NCOA2: variants seen among roughly 807,000 people sequenced by gnomAD.
NCOA2 encodes the protein nuclear receptor coactivator 2, also known as class E basic helix-loop-helix protein 75.
Under a neutral mutation model 145.1 loss-of-function variants are expected in NCOA2, and 21 were observed. The ratio of observed to expected loss-of-function variants is 0.14; its 90% CI spans 0.10 to 0.21. NCOA2 has a LOEUF of 0.21. Among genes scored for constraint, NCOA2 ranks in the 10% least tolerant of loss-of-function variants. The pLI, the probability that NCOA2 is intolerant of heterozygous loss-of-function variation, is 1.00. For synonymous variants in NCOA2, 619 were observed against 637.5 expected, an observed-to-expected ratio of 0.97 and a Z score of 0.44; for missense variants, 1,472 against 1,837.6, an observed-to-expected ratio of 0.80 and a Z score of 3.64.
At chr8:70,167,670 T>C (rs1011147036) in intron 6 of NCOA2, among the ~76,000 whole-genome samples, 9 of 152,234 alleles carry the variant, frequency 5.9e-5, no homozygotes, top group Non-Finnish European at 7.3e-5. Flanking sequence ...ACAGTGCAAA[T>C]GTCATTTCTT....
chr8:70,179,496 C>T (rs914958351), intron 4 of NCOA2, among the ~76,000 whole-genome samples: 1 of 152,148 alleles, frequency 6.6e-6, no homozygotes, highest in Non-Finnish European at 1.5e-5. Context: ...CGGACATATA[C>T]TGGTATCTTG....
At chr8:70,186,629 T>A (rs1324209182) in intron 4 of NCOA2, among the ~76,000 whole-genome samples, 1 of 152,216 alleles carries the variant, frequency 6.6e-6, no homozygotes, top group Non-Finnish European at 1.5e-5. Context: ...ATCAAAAATA[T>A]GCTACTACAA....
Position 70,174,865 on chromosome 8 carries a change from A to G in NCOA2, c.260-6T>C, listed in dbSNP as rs1289449273. ...GTTGGCAGCTGCTGCTTTCTCTGCA[A>G]TAAACATAAGTGTGAATTAAATGGC... On this transcript the variant is annotated splice_polypyrimidine_tract_variant and splice_region_variant and intron_variant, in intron 4 of 22. Coordinates refer to ENST00000452400, the MANE Select transcript of NCOA2 (RefSeq NM_006540.4). 6.2e-7 allele frequency: 1 copy of G among 1,611,868 alleles called. No homozygotes were observed. The highest frequency in any genetic ancestry group is 8.5e-7 in the Non-Finnish European group (1 of 1,178,376).
intron 1 of NCOA2, among the ~76,000 whole-genome samples, chr8:70,397,957 G>T (rs961955386): frequency 1.3e-5 from 2 of 151,924 alleles, no homozygotes; most frequent in Non-Finnish European, 2.9e-5. Flanking sequence ...TGAAATTAAG[G>T]CATATATGTC....
chr8:70,227,083 C>T (rs1232023240), intron 2 of NCOA2, among the ~76,000 whole-genome samples: 1 of 152,146 alleles, frequency 6.6e-6, no homozygotes. Context: ...AGGAGAGGGT[C>T]CACGGTTTTG....
intron 4 of NCOA2, among the ~76,000 whole-genome samples, chr8:70,200,256 ATATT>A (rs1456483170): frequency 1.3e-5 from 2 of 152,074 alleles, no homozygotes; most frequent in African/African-American, 4.8e-5. Context: ...TAAAATATGT[ATATT>A]TATTTATAAG....
At chr8:70,152,819 T>C (rs550655940) in intron 11 of NCOA2, among the ~76,000 whole-genome samples, 1 of 152,316 alleles carries the variant, frequency 6.6e-6, no homozygotes, top group East Asian at 1.9e-4. Context: ...AAACACACAC[T>C]CAGTCAATGG....
chr8:70,138,871 T>C (rs1810049270), intron 14 of NCOA2, among the ~76,000 whole-genome samples: 2 of 152,272 alleles, frequency 1.3e-5, no homozygotes, highest in Admixed American at 6.5e-5. Flanking sequence ...TGATATCATA[T>C]AGCATGTAAA....
intron 11 of NCOA2, among the ~76,000 whole-genome samples, chr8:70,155,069 G>C (rs1312835171): frequency 2.0e-5 from 3 of 152,116 alleles, no homozygotes; most frequent in Non-Finnish European, 4.4e-5. Flanking sequence ...GTATAAATAA[G>C]TATTATTTTG....
At chr8:70,383,326 T>C (rs1379945188) in intron 1 of NCOA2, among the ~76,000 whole-genome samples, 3 of 152,210 alleles carry the variant, frequency 2.0e-5, no homozygotes, top group Non-Finnish European at 4.4e-5. Context: ...CCTTGACCTA[T>C]AATTACTCAT....
At chr8:70,131,777 A>G in intron 16 of NCOA2, 60 bp downstream of exon 16, 1 of 1,507,776 alleles carries the variant, frequency 6.6e-7, no homozygotes, top group Admixed American at 2.3e-5. Flanking sequence ...TAAACAGAAA[A>G]TGGACACCTC....
chr8:70,134,619 G>A (rs1459708029), intron 15 of NCOA2, among the ~76,000 whole-genome samples: 1 of 152,198 alleles, frequency 6.6e-6, no homozygotes, highest in Non-Finnish European at 1.5e-5. Context: ...ACTGTCAGGA[G>A]GAGGCAGGCA....
intron 2 of NCOA2, among the ~76,000 whole-genome samples, chr8:70,229,721 T>A (rs1267299479): frequency 6.6e-6 from 1 of 152,054 alleles, no homozygotes; most frequent in Non-Finnish European, 1.5e-5. Context: ...TATCAAAGGG[T>A]CACCTGAGAA....
intron 1 of NCOA2, among the ~76,000 whole-genome samples, chr8:70,337,391 G>C (rs1807705802): frequency 2.6e-5 from 4 of 152,164 alleles, no homozygotes; most frequent in African/African-American, 9.7e-5. Context: ...CTTTCCAAGA[G>C]AGACCTTTCT....
At chr8:70,126,636 G>C in intron 19 of NCOA2, 177 bp downstream of exon 19, 1 of 620,092 alleles carries the variant, frequency 1.6e-6, no homozygotes, top group East Asian at 2.8e-5. Context: ...GTACTGTGCT[G>C]GACTTGGGGA....
At chr8:70,211,246 G>A (rs1240945201) in intron 4 of NCOA2, among the ~76,000 whole-genome samples, 1 of 152,044 alleles carries the variant, frequency 6.6e-6, no homozygotes, top group African/African-American at 2.4e-5. Flanking sequence ...AGATCATGAG[G>A]TCAGGAGTTC....
intron 13 of NCOA2, among the ~76,000 whole-genome samples, chr8:70,143,957 C>T (rs1007649731): frequency 2.0e-5 from 3 of 152,186 alleles, no homozygotes; most frequent in Non-Finnish European, 2.9e-5. Context: ...CAACAGCAAT[C>T]GGTGCTACTG....
Position 70,124,929 on chromosome 8 carries a change from G to C in NCOA2, c.3917-64C>G, listed in dbSNP as rs540468607. ...TGTTAGTTATATTGTAGAGACTGGT[G>C]GGGGGGAAAGAACATTCCAAATTAG... On this transcript the variant is annotated intron_variant, in intron 19 of 22. Coordinates refer to ENST00000452400, the MANE Select transcript of NCOA2 (RefSeq NM_006540.4). 42 of 1,405,092 alleles carry C rather than the reference G, an allele frequency of 3.0e-5. No homozygotes were observed. The Admixed American group carries it at 4.0e-4, about 13-fold the overall frequency. 87.0% of individuals were successfully genotyped at this position (1,405,092 alleles called of 1,614,324 possible).
chr8:70,450,965 C>T, the NCOA2 span, among the ~76,000 whole-genome samples: 1 of 150,666 alleles, frequency 6.6e-6, no homozygotes, highest in Non-Finnish European at 1.5e-5. Context: ...GCCTGTAATT[C>T]CAGCACTTTG....
Sources: allele counts gnomAD v4.1 joint callset (sites outside exome capture counted in the v4.1 genomes callset), GRCh38; gene constraint gnomAD v4.1.1; transcripts MANE v1.5; gene names NCBI Gene and HGNC (gene_info 2026-07-23, HGNC 2026-07-21).